The following DDX59 variants were observed in gnomAD, a reference collection of about 807,000 sequenced individuals.
The protein encoded by DDX59 is probable ATP-dependent RNA helicase DDX59.
In DDX59, 30 loss-of-function variants were observed where a neutral mutation model predicts 51.9. The observed-to-expected ratio is 0.58, with a 90% confidence interval of 0.43 to 0.78. The LOEUF (loss-of-function observed/expected upper bound fraction) is 0.78, where lower values mean the gene tolerates loss of function less well. Among genes scored for constraint, DDX59 ranks in the 30% least tolerant of loss-of-function variants. DDX59 has a pLI of 0.00. For synonymous variants in DDX59, 255 were observed against 253.3 expected, an observed-to-expected ratio of 1.01 and a Z score of -0.06; for missense variants, 672 against 730.8, an observed-to-expected ratio of 0.92 and a Z score of 0.93.
At chr1:200,650,899 ATAG>A (rs1661618396) in intron 4 of DDX59, among the ~76,000 whole-genome samples, 1 of 152,222 alleles carries the variant, frequency 6.6e-6, no homozygotes, top group Admixed American at 6.5e-5. Context: ...GGCATTATTA[ATAG>A]TAGCAAAAAG....
Position 200,666,759 on chromosome 1 carries a change from G to T in DDX59, c.-11-8C>A. 1 of 1,590,114 alleles carries T rather than the reference G, an allele frequency of 6.3e-7. No individual in the cohort carries two copies. The highest frequency in any genetic ancestry group is 2.2e-5 in the East Asian group (1 of 44,656). The stretch of plus-strand genomic sequence containing the variant: ...CAAACATCCTTCAATATTCTGTTAA[G>T]GAAATTATATAATGAGATTTATTGT... On this transcript the variant is annotated splice_region_variant and splice_polypyrimidine_tract_variant and intron_variant, in intron 1 of 7. Transcript: ENST00000331314.
intron 7 of DDX59, among the ~76,000 whole-genome samples, chr1:200,647,240 C>G (rs922392585): frequency 1.3e-5 from 2 of 152,158 alleles, no homozygotes; most frequent in Non-Finnish European, 2.9e-5. Context: ...TGAGATAATG[C>G]AGCGCTAAGA....
chr1:200,651,962 C>T (rs1038013584), intron 4 of DDX59, among the ~76,000 whole-genome samples: 1 of 139,492 alleles, frequency 7.2e-6, no homozygotes, highest in Non-Finnish European at 1.5e-5. Context: ...GAGCCGAGAT[C>T]GTGCCAGTGC....
chr1:200,649,136 C>T lies in DDX59; in HGVS notation c.1405G>A (p.Gly469Arg). The T allele has an allele frequency of 6.3e-7, 1 of 1,594,184 alleles. No homozygotes were observed. The highest frequency in any genetic ancestry group is 8.5e-7 in the Non-Finnish European group (1 of 1,173,984). The stretch of plus-strand genomic sequence containing the variant: ...GAATGTATAGATATGCTTTTCAGCC[C>T]TGTGATTTTCTGAACGGCTTCACTC... ...LLSEAVQKIT[G>R]LKSISIHSEK... is the part of the protein sequence containing the mutation. The change falls in exon 6 of 8, where the codon GGG becomes AGG. Residue 469 changes from glycine to arginine, a missense_variant. Coordinates refer to ENST00000331314, the MANE Select transcript of DDX59 (RefSeq NM_001031725.6).
intron 1 of DDX59, among the ~76,000 whole-genome samples, chr1:200,669,320 T>C (rs192769893): frequency 3.7e-4 from 56 of 152,214 alleles, no homozygotes; most frequent in Middle Eastern, 3.4e-3. Flanking sequence ...GGGTCTAGAA[T>C]TACTATCCTA....
chr1:200,651,577 G>C (rs1378637060), intron 4 of DDX59, among the ~76,000 whole-genome samples: 1 of 152,192 alleles, frequency 6.6e-6, no homozygotes, highest in Non-Finnish European at 1.5e-5. Context: ...AGTTTCTGCT[G>C]TTTATAAATT....
At chr1:200,647,379 T>TA (rs1208745419) in intron 7 of DDX59, among the ~76,000 whole-genome samples, 4 of 152,110 alleles carry the variant, frequency 2.6e-5, no homozygotes, top group African/African-American at 9.6e-5. Flanking sequence ...CAAGATTCCT[T>TA]AAAAAAATAC....
intron 4 of DDX59, among the ~76,000 whole-genome samples, chr1:200,656,029 C>A (rs569755931): frequency 6.6e-6 from 1 of 152,284 alleles, no homozygotes; most frequent in African/African-American, 2.4e-5. Flanking sequence ...GGGGTTTCTC[C>A]ATGTTGGTCA....
intron 2 of DDX59, among the ~76,000 whole-genome samples, chr1:200,665,363 G>A (rs1166531032): frequency 6.6e-6 from 1 of 152,034 alleles, no homozygotes; most frequent in Non-Finnish European, 1.5e-5. Context: ...GCTGAGGCAG[G>A]AGAATCACTT....
chr1:200,649,921 C>T (rs948040891), intron 5 of DDX59, among the ~76,000 whole-genome samples: 19 of 150,934 alleles, frequency 1.3e-4, no homozygotes, highest in African/African-American at 4.1e-4. Flanking sequence ...CAGCTCACTA[C>T]AAGCCCTGCC....
At chr1:200,668,687 C>T (rs1183651709) in intron 1 of DDX59, among the ~76,000 whole-genome samples, 4 of 152,212 alleles carry the variant, frequency 2.6e-5, no homozygotes, top group Admixed American at 2.6e-4. Context: ...CCCTTGTTTT[C>T]CCTCCTTCCT....
At chr1:200,641,110 AC>A, downstream of DDX59, 1 of 1,247,388 alleles carries the variant, frequency 8.0e-7, no homozygotes, top group Non-Finnish European at 1.1e-6. Flanking sequence ...CAGGAAAGTC[AC>A]CTTGGATGAC....
downstream of DDX59, among the ~76,000 whole-genome samples, chr1:200,642,716 G>A (rs144337470): frequency 5.1e-4 from 77 of 152,290 alleles, 1 homozygote; most frequent in East Asian, 0.014. Flanking sequence ...GCTGATAGCC[G>A]GCTTCTCCCC....
At chr1:200,661,075 C>T (rs181498654) in intron 3 of DDX59, among the ~76,000 whole-genome samples, 1 of 152,062 alleles carries the variant, frequency 6.6e-6, no homozygotes, top group Non-Finnish European at 1.5e-5. Flanking sequence ...GATTCCAGGG[C>T]TGGGGCAGGG....
rs769198531 is a variant in DDX59, at chr1:200,644,255, C to A, written c.1859G>T (p.Ter620LeuextTer22). The change falls in exon 8 of 8, where the codon TGA (stop) becomes TTA (leucine). Residue 620 changes from the stop codon to leucine, a stop_lost. Coordinates refer to ENST00000331314, the MANE Select transcript of DDX59 (RefSeq NM_001031725.6). ...AAAATATTCAAGTGGCAGAGAAAAT[C>A]ATTTCTGAGAATTACTTTTATCATG... Reference protein sequence around the residue: ...RKHDKSNSQK* With the variant: ...RKHDKSNSQKL 7.9e-6 allele frequency: 12 copies of A among 1,518,248 alleles called. No homozygotes were observed. In the South Asian group the frequency reaches 1.5e-4, roughly 19 times the overall value. 94.0% of individuals were successfully genotyped at this position (1,518,248 alleles called of 1,614,324 possible).
At chr1:200,669,405 C>CAA (rs34308064) in intron 1 of DDX59, 18,053 of 152,116 alleles carry the variant, frequency 0.12, 1,560 homozygotes, top group East Asian at 0.41. Flanking sequence ...GCTTGGAACT[C>CAA]AGTCTTCCAA....
At chr1:200,647,066 G>A (rs1661337855) in intron 7 of DDX59, among the ~76,000 whole-genome samples, 1 of 152,168 alleles carries the variant, frequency 6.6e-6, no homozygotes, top group South Asian at 2.1e-4. Flanking sequence ...AAGTAGTACT[G>A]TATTAAGTAA....
intron 7 of DDX59, among the ~76,000 whole-genome samples, chr1:200,647,241 A>G (rs1661346768): frequency 6.6e-6 from 1 of 152,232 alleles, no homozygotes; most frequent in African/African-American, 2.4e-5. Flanking sequence ...GAGATAATGC[A>G]GCGCTAAGAG....
intron 3 of DDX59, among the ~76,000 whole-genome samples, chr1:200,661,095 T>A (rs763127437): frequency 1.3e-5 from 2 of 152,038 alleles, no homozygotes; most frequent in Non-Finnish European, 2.9e-5. Flanking sequence ...GAAAGAAAAA[T>A]GTAAGTATGG....
Sources: allele counts gnomAD v4.1 joint callset (sites outside exome capture counted in the v4.1 genomes callset), GRCh38; gene constraint gnomAD v4.1.1; transcripts MANE v1.5; gene names NCBI Gene and HGNC (gene_info 2026-07-23, HGNC 2026-07-21).